The following CROCC variants were observed in gnomAD, a reference collection of about 807,000 sequenced individuals.
CROCC encodes the protein rootletin.
CROCC carries 180 observed loss-of-function variants against 245.2 expected under a neutral mutation model. That is an observed-to-expected ratio of 0.73 (90% CI 0.65 to 0.83). The LOEUF (loss-of-function observed/expected upper bound fraction) is 0.83, where lower values mean the gene tolerates loss of function less well. Among genes scored for constraint, CROCC ranks in the 40% least tolerant of loss-of-function variants. The pLI, the probability that CROCC is intolerant of heterozygous loss-of-function variation, is 0.00. For synonymous variants in CROCC, 1,205 were observed against 1,241.6 expected, an observed-to-expected ratio of 0.97 and a Z score of 0.62; for missense variants, 2,688 against 2,779.4, an observed-to-expected ratio of 0.97 and a Z score of 0.74.
chr1:16,943,572 G>GT (rs374388032), intron 13 of CROCC, among the ~76,000 whole-genome samples: 91 of 152,380 alleles, frequency 6.0e-4, no homozygotes, highest in African/African-American at 2.1e-3. Flanking sequence ...ACGCTGTGAA[G>GT]TTTTTTCGCA....
At chr1:16,920,826 C>T (rs2075388302), upstream of CROCC, among the ~76,000 whole-genome samples, 1 of 150,840 alleles carries the variant, frequency 6.6e-6, no homozygotes, top group South Asian at 2.1e-4. Flanking sequence ...TCACTGCAAC[C>T]TCTGCCTCCT....
chr1:16,934,892 C>CTTTTTT (rs556637657), intron 8 of CROCC, among the ~76,000 whole-genome samples: 211 of 128,458 alleles, frequency 1.6e-3, no homozygotes, highest in East Asian at 2.2e-3. Flanking sequence ...TCAGCAGTTT[C>CTTTTTT]TTTTTTTTTT....
Position 16,955,391 on chromosome 1 carries a change from G to A in CROCC, c.3545G>A (p.Arg1182His), listed in dbSNP as rs557707153. The change falls in exon 24 of 37, where the codon CGC becomes CAC. Residue 1182 changes from arginine (R) to histidine (H), a missense_variant. Around this residue, in one of 9 missense-constraint regions of CROCC, gnomAD observed 1,218 missense variants for 1,286.3 expected, o/e 0.95. Coordinates refer to ENST00000375541, the MANE Select transcript of CROCC (RefSeq NM_014675.5). The part of the protein sequence containing the change: ...GLRRELLEAQ[R>H]KLRESQEGRE... ...CGGCGGGAGCTGCTGGAGGCCCAGC[G>A]CAAGCTGCGTGAGAGCCAGGAGGGC... The A allele has an allele frequency of 4.6e-4, 733 of 1,605,034 alleles. 10 individuals are homozygous for A. In the South Asian group the frequency reaches 6.3e-3, roughly 14 times the overall value.
chr1:16,925,210 G>T (rs1257892493), intron 3 of CROCC, among the ~76,000 whole-genome samples: 1 of 152,284 alleles, frequency 6.6e-6, no homozygotes, highest in East Asian at 1.9e-4. Context: ...GGGACAGAGT[G>T]TATGTGTGCA....
rs539984563 is a variant in CROCC, at chr1:16,924,377, C to A, written c.249C>A (p.Asn83Lys). 6.2e-7 allele frequency: 1 copy of A among 1,613,286 alleles called. No homozygotes were observed. The highest frequency in any genetic ancestry group is 8.5e-7 in the Non-Finnish European group (1 of 1,179,852). The stretch of plus-strand genomic sequence containing the variant: ...CGCTGCTGTCGCTGCAGGAGGAGAA[C>A]CAGCTGCTGCAGCAGGAGCTGTCCC... The part of the protein sequence containing the change: ...MASLLSLQEE[N>K]QLLQQELSRV... The change falls in exon 3 of 37, where the codon AAC (asparagine) becomes AAA (lysine). Residue 83 changes from asparagine to lysine, a missense_variant. By Grantham distance (94) the Asn-to-Lys change is moderately conservative. Coordinates refer to ENST00000375541, the MANE Select transcript of CROCC (RefSeq NM_014675.5).
intron 9 of CROCC, 67 bp from the exon 10 acceptor site, chr1:16,937,574 A>G: frequency 5.9e-6 from 8 of 1,345,358 alleles, no homozygotes; most frequent in Non-Finnish European, 8.4e-6. Flanking sequence ...CATGGTGGAC[A>G]CAGAGCTAGT....
At position 16,953,284 on chromosome 1, in the gene CROCC, C is replaced by G. The variant is rs2076193504; in HGVS notation, c.3007-18C>G. 1 of 1,563,250 alleles carries G rather than the reference C, an allele frequency of 6.4e-7. No individual in the cohort carries two copies. Among genetic ancestry groups the G allele is most frequent in the South Asian group, 1.2e-5 (1 of 85,490 alleles). On this transcript the variant is annotated intron_variant, in intron 20 of 36. Transcript: ENST00000375541. ...CCCCCTCCTGGTGTGTCACAGGCAT[C>G]CGGTCCTGGCCCCCTAGGAGGCAGC...
Position 16,972,434 on chromosome 1 carries a change from C to T in CROCC, c.6042C>T (p.Pro2014=), listed in dbSNP as rs778080727. The T allele has an allele frequency of 1.2e-6, 2 of 1,612,634 alleles. No homozygotes were observed. Among genetic ancestry groups the T allele is most frequent in the African/African-American group, 1.3e-5 (1 of 74,886 alleles). The change falls in exon 37 of 37, where the codon CCC becomes CCT. Residue 2014 remains proline, a synonymous_variant. Transcript: ENST00000375541. The stretch of plus-strand genomic sequence containing the variant: ...CACCCTTCTCCCCACCCTCCGGCCC[C>T]CCAGAGAAATGAGCTCCTGCTGGCA... ...SSAPFSPPSG[P]PEK is the part of the protein sequence containing the mutation.
chr1:16,966,388 G>A lies in CROCC; in HGVS notation c.4697-20G>A, dbSNP rs201879427. On this transcript the variant is annotated intron_variant, in intron 29 of 36. Transcript: ENST00000375541. The surrounding 1 kb of genome is among the most constrained non-coding windows in gnomAD (Gnocchi z 4.8). ...GGGGCTGTGCTTGGCCATGCCTGACGGGGTGGGTGGTGGCTACAGCCCGGC... is the reference window on the plus strand; with the variant it reads ...GGGGCTGTGCTTGGCCATGCCTGACAGGGTGGGTGGTGGCTACAGCCCGGC... 6.8e-5 allele frequency: 102 copies of A among 1,507,194 alleles called. No individual in the cohort carries two copies. Among genetic ancestry groups the A allele is most frequent in the Non-Finnish European group, 7.8e-5 (88 of 1,128,870 alleles). 93.4% of individuals were successfully genotyped at this position (1,507,194 alleles called of 1,614,324 possible).
intron 8 of CROCC, among the ~76,000 whole-genome samples, chr1:16,934,953 G>A (rs2075757451): frequency 6.9e-6 from 1 of 144,466 alleles, no homozygotes. Flanking sequence ...ATGCTGGAGT[G>A]CAGTGGCACG....
At chr1:16,965,590 A>C (rs1010907074) in intron 27 of CROCC, 133 bp from the exon 28 acceptor site, 15 of 709,836 alleles carry the variant, frequency 2.1e-5, no homozygotes, top group African/African-American at 2.0e-4. Flanking sequence ...ATGGGCAAGA[A>C]GACCCCTAAG....
rs539496323 is a variant in CROCC at position 16,946,141 on chromosome 1, C to T, written c.2137-118C>T. The T allele has an allele frequency of 2.1e-3, 2,510 of 1,178,458 alleles. 1 individual carries two copies. The highest frequency in any genetic ancestry group is 1.0e-3 in the Non-Finnish European group (882 of 846,054). 73.0% of individuals were successfully genotyped at this position (1,178,458 alleles called of 1,614,324 possible). On this transcript the variant is annotated intron_variant, in intron 15 of 36. Coordinates refer to ENST00000375541, the MANE Select transcript of CROCC (RefSeq NM_014675.5). ...TTTTTTTCCATCTCACACTGTGTCC[C>T]CTCCTTGTCTCCCCTACCCTGTCTC...
At chr1:16,914,999 G>C (rs773151856) in intron 1 of CROCC, among the ~76,000 whole-genome samples, 5 of 152,384 alleles carry the variant, frequency 3.3e-5, no homozygotes, top group Non-Finnish European at 7.3e-5. Flanking sequence ...CGACAGCGAG[G>C]TTCAGGCAAG....
intron 20 of CROCC, 43 bp from the exon 21 acceptor site, chr1:16,953,259 C>T (rs772855348): frequency 7.2e-6 from 11 of 1,528,678 alleles, no homozygotes; most frequent in Middle Eastern, 2.3e-4. Context: ...TCTGCCTGGG[C>T]CCCCTCCTGG....
Position 16,971,623 on chromosome 1 carries a change from G to C in CROCC, c.5943G>C (p.Gln1981His). 1 of 1,510,698 alleles carries C rather than the reference G, an allele frequency of 6.6e-7. No individual in the cohort carries two copies. Among genetic ancestry groups the C allele is most frequent in the East Asian group, 2.5e-5 (1 of 40,164 alleles). The allele number at this position is 1,510,698 out of a possible 1,614,324, so 93.6% of individuals were successfully genotyped here. Residue 1981 changes from glutamine (Q) to histidine (H), a missense_variant, in exon 36 of 37, where the codon CAG (glutamine) becomes CAC (histidine). Gln to His is a conservative substitution (Grantham distance 24). Transcript: ENST00000375541. ...AGGCTCGGGAGCGGGCCCACCGCCAGAGGGTGCGTGGGCTGGAGGAGCAGG... is the reference window on the plus strand; with the variant it reads ...AGGCTCGGGAGCGGGCCCACCGCCACAGGGTGCGTGGGCTGGAGGAGCAGG... ...TLEARERAHR[Q>H]RVRGLEEQVS...
intron 16 of CROCC, among the ~76,000 whole-genome samples, 165 bp downstream of exon 16, chr1:16,946,570 C>T (rs1270835491): frequency 2.0e-5 from 3 of 152,288 alleles, no homozygotes; most frequent in East Asian, 1.9e-4. Flanking sequence ...CCCCTCTAGG[C>T]GTCAAAGCAC....
intron 3 of CROCC, among the ~76,000 whole-genome samples, chr1:16,926,046 C>T (rs767846375): frequency 6.6e-6 from 1 of 152,274 alleles, no homozygotes; most frequent in African/African-American, 2.4e-5. Flanking sequence ...GTAGCAGGTT[C>T]CTCCTCTGCT....
intron 1 of CROCC, 122 bp downstream of exon 1, chr1:16,922,200 AT>A: frequency 9.5e-7 from 1 of 1,057,652 alleles, no homozygotes; most frequent in African/African-American, 1.6e-5. Context: ...GTGGTGGGGT[AT>A]ACAGGGGCCC....
At position 16,970,432 on chromosome 1, in the gene CROCC, C is replaced by T. The variant is rs1186229003; in HGVS notation, c.5631C>T (p.Ala1877=). The T allele has an allele frequency of 1.9e-6, 3 of 1,596,026 alleles. No homozygotes were observed. The highest frequency in any genetic ancestry group is 2.2e-5 in the South Asian group (2 of 89,292). Residue 1877 remains alanine, a synonymous_variant, in exon 34 of 37, where the codon GCC becomes GCT. Transcript: ENST00000375541. ...SALRLEKDRV[A]LRRTLDKVER... is the part of the protein sequence containing the mutation. Reference sequence around the variant, plus strand: ...TGCGGCTGGAGAAGGACCGTGTAGCCCTCAGGAGGACGCTGGACAAGGTAG... The same window carrying T: ...TGCGGCTGGAGAAGGACCGTGTAGCTCTCAGGAGGACGCTGGACAAGGTAG...
Sources: allele counts gnomAD v4.1 joint callset (sites outside exome capture counted in the v4.1 genomes callset), GRCh38; gene constraint gnomAD v4.1.1; regional missense constraint gnomAD v4.1.1; non-coding constraint Gnocchi (gnomAD v3.1); transcripts MANE v1.5; gene names NCBI Gene and HGNC (gene_info 2026-07-23, HGNC 2026-07-21).